Variants in E2F6 observed in about 807,000 individuals in gnomAD.
E2F6 encodes E2F transcription factor 6, also known as transcription factor E2F6.
A neutral mutation model predicts 31.5 loss-of-function variants in E2F6; 19 were observed. The ratio of observed to expected loss-of-function variants is 0.60; its 90% CI spans 0.42 to 0.89. E2F6 has a LOEUF of 0.89. Among genes scored for constraint, E2F6 ranks in the 40% least tolerant of loss-of-function variants. The pLI is 0.00. For synonymous variants in E2F6, 121 were observed against 127.7 expected, an observed-to-expected ratio of 0.95 and a Z score of 0.36; for missense variants, 269 against 341.6, an observed-to-expected ratio of 0.79 and a Z score of 1.67.
At chr2:11,458,059 T>TA (rs1224900615) in intron 1 of E2F6, among the ~76,000 whole-genome samples, 1 of 152,158 alleles carries the variant, frequency 6.6e-6, no homozygotes, top group Non-Finnish European at 1.5e-5. Flanking sequence ...TGTTTTTCTG[T>TA]AAAAAATAAA....
rs1671096475 is a variant in E2F6 at position 11,451,928 on chromosome 2, A to G, written c.381-122T>C. 5 of 918,018 alleles carry G rather than the reference A, an allele frequency of 5.4e-6. No homozygotes were observed. In the South Asian group the frequency reaches 6.3e-5, roughly 11 times the overall value. 56.9% of individuals were successfully genotyped at this position (918,018 alleles called of 1,614,324 possible). On this transcript the variant is annotated intron_variant, in intron 3 of 6. Transcript: ENST00000381525. The stretch of plus-strand genomic sequence containing the variant: ...AGTGTTTTCCACAACAATAGAAACT[A>G]GGGACTTTTAACTTCTGCCGTCTTT...
chr2:11,457,232 G>C lies in E2F6; in HGVS notation c.110C>G (p.Pro37Arg). ...RDPINVEGLLPSKIRINLEDN... is the reference protein window; with the variant it reads ...RDPINVEGLLRSKIRINLEDN... The stretch of plus-strand genomic sequence containing the variant: ...TTCTAAATTAATCCTTATTTTTGAT[G>C]GCTGAAAAAAAAGATAAAAAATTTA... Residue 37 changes from proline to arginine, a missense_variant and splice_region_variant, in exon 2 of 7, where the codon CCA becomes CGA. By Grantham distance (103) the Pro-to-Arg change is moderately radical. Coordinates refer to ENST00000381525, the MANE Select transcript of E2F6 (RefSeq NM_198256.4). The C allele has an allele frequency of 6.5e-7, 1 of 1,532,474 alleles. No individual in the cohort carries two copies. The highest frequency in any genetic ancestry group is 9.0e-7 in the Non-Finnish European group (1 of 1,111,030). The allele number at this position is 1,532,474 out of a possible 1,614,324, so 94.9% of individuals were successfully genotyped here. A position where few individuals can be genotyped will look rare whatever the true frequency, so the allele number is the denominator to read the frequency against.
chr2:11,460,997 G>A (rs1436696247), intron 1 of E2F6, among the ~76,000 whole-genome samples: 1 of 152,132 alleles, frequency 6.6e-6, no homozygotes, highest in African/African-American at 2.4e-5. Context: ...GGGGTCTGCT[G>A]GGACTTGGGT....
At chr2:11,458,155 C>T in intron 1 of E2F6, 2 of 890,168 alleles carry the variant, frequency 2.2e-6, no homozygotes, top group South Asian at 2.9e-5. Context: ...GACAGGCTGT[C>T]ATCAGGTTTA....
chr2:11,458,161 G>C, intron 1 of E2F6: 1 of 989,712 alleles, frequency 1.0e-6, no homozygotes. Context: ...CTGTCATCAG[G>C]TTTAGCTCTT....
At chr2:11,448,594 C>T (rs1670867378) in intron 5 of E2F6, among the ~76,000 whole-genome samples, 1 of 152,222 alleles carries the variant, frequency 6.6e-6, no homozygotes, top group African/African-American at 2.4e-5. Flanking sequence ...CTTCCTGGTA[C>T]TACAAGTGGG....
intron 5 of E2F6, among the ~76,000 whole-genome samples, chr2:11,448,121 A>C (rs1670838729): frequency 6.6e-6 from 1 of 152,196 alleles, no homozygotes. Flanking sequence ...TTCCAGACCA[A>C]TGAACAGGTC....
At chr2:11,457,280 A>C in intron 1 of E2F6, 47 bp from the exon 2 acceptor site, 1 of 1,135,806 alleles carries the variant, frequency 8.8e-7, no homozygotes, top group Non-Finnish European at 1.3e-6. Context: ...TAAAACAACA[A>C]TGCAAACAAA....
chr2:11,448,297 C>G (rs780951837), intron 5 of E2F6, among the ~76,000 whole-genome samples: 1 of 152,182 alleles, frequency 6.6e-6, no homozygotes, highest in Non-Finnish European at 1.5e-5. Flanking sequence ...CAGGATTAAT[C>G]AAAATACTTT....
intron 4 of E2F6, 112 bp downstream of exon 4, chr2:11,451,539 T>C: frequency 8.9e-7 from 1 of 1,117,344 alleles, no homozygotes; most frequent in East Asian, 2.9e-5. Flanking sequence ...TAACTTTCAA[T>C]GGTCTAATTT....
At chr2:11,465,734 G>C (rs1357191416) in intron 1 of E2F6, 38 bp downstream of exon 1, 13 of 1,552,150 alleles carry the variant, frequency 8.4e-6, no homozygotes, top group African/African-American at 1.4e-5. Context: ...CCGGATTTGG[G>C]AGACCACCGC....
Position 11,446,481 on chromosome 2 carries a change from T to C in E2F6, c.842A>G (p.Asn281Ser). 1.2e-6 allele frequency: 2 copies of C among 1,611,428 alleles called. No homozygotes were observed. The highest frequency in any genetic ancestry group is 1.7e-6 in the Non-Finnish European group (2 of 1,178,320). Residue 281 changes from asparagine (N) to serine (S), a missense_variant, in exon 7 of 7, where the codon AAC becomes AGC. Asn to Ser is a conservative substitution (Grantham distance 46). Coordinates refer to ENST00000381525, the MANE Select transcript of E2F6 (RefSeq NM_198256.4). Reference sequence around the variant, plus strand: ...TACATAAATTCTCAAATGCCATCAGTTGCTTACTTCAAGCAATTCTTCACT... The same window carrying C: ...TACATAAATTCTCAAATGCCATCAGCTGCTTACTTCAAGCAATTCTTCACT... ...QQSEELLEVS[N>S]
chr2:11,453,497 AAC>A, intron 3 of E2F6, 83 bp downstream of exon 3: 1 of 1,273,654 alleles, frequency 7.9e-7, no homozygotes, highest in Non-Finnish European at 1.1e-6. Context: ...ATATTGTCAA[AAC>A]ACTGCCACTA....
chr2:11,463,085 T>C (rs1671884771), intron 1 of E2F6, among the ~76,000 whole-genome samples: 1 of 152,210 alleles, frequency 6.6e-6, no homozygotes, highest in Admixed American at 6.5e-5. Flanking sequence ...ACTAAGTGGT[T>C]TTTCCACAGT....
At chr2:11,451,426 C>T in intron 4 of E2F6, 1 of 298,622 alleles carries the variant, frequency 3.3e-6, no homozygotes, top group East Asian at 7.5e-5. Context: ...TCTCCGCTCA[C>T]AGCAACCTCG....
At chr2:11,458,789 C>T (rs1671577451) in intron 1 of E2F6, among the ~76,000 whole-genome samples, 1 of 152,156 alleles carries the variant, frequency 6.6e-6, no homozygotes, top group South Asian at 2.1e-4. Flanking sequence ...ATGGAATACT[C>T]CCATTGAGAC....
At position 11,451,647 on chromosome 2, in the gene E2F6, A is replaced by G. The variant is rs772438388; in HGVS notation, c.536+4T>C. The G allele has an allele frequency of 5.0e-6, 8 of 1,609,544 alleles. No homozygotes were observed. The highest frequency in any genetic ancestry group is 6.8e-6 in the Non-Finnish European group (8 of 1,177,850). ...TTTTAAAAAGGTATAGACTTAAAGG[A>G]TATCTTTCATTTTCTTTGTCATCTG... On this transcript the variant is annotated splice_donor_region_variant and intron_variant, in intron 4 of 6. Coordinates refer to ENST00000381525, the MANE Select transcript of E2F6 (RefSeq NM_198256.4).
Position 11,451,736 on chromosome 2 carries a change from A to G in E2F6, c.451T>C (p.Ser151Pro), listed in dbSNP as rs201487102. Residue 151 changes from serine (S) to proline (P), a missense_variant, in exon 4 of 7, where the codon TCA becomes CCA. Transcript: ENST00000381525. The stretch of plus-strand genomic sequence containing the variant: ...TCATCCAAAGCATCTTCCATTGCTG[A>G]TAAGTCAGAAAGTTCCTCCTGTAGC... Reference protein sequence around the residue: ...KKLQEELSDLSAMEDALDELI... With the variant: ...KKLQEELSDLPAMEDALDELI... 1.4e-5 allele frequency: 22 copies of G among 1,609,588 alleles called. No individual in the cohort carries two copies. The highest frequency in any genetic ancestry group is 1.7e-5 in the Non-Finnish European group (20 of 1,177,334).
intron 1 of E2F6, among the ~76,000 whole-genome samples, chr2:11,457,567 G>C (rs1478136852): frequency 6.6e-6 from 1 of 152,208 alleles, no homozygotes; most frequent in Non-Finnish European, 1.5e-5. Flanking sequence ...AGGTTGCAGT[G>C]AGCCAAGATC....
Sources: allele counts gnomAD v4.1 joint callset (sites outside exome capture counted in the v4.1 genomes callset), GRCh38; gene constraint gnomAD v4.1.1; transcripts MANE v1.5; gene names NCBI Gene and HGNC (gene_info 2026-07-23, HGNC 2026-07-21).